The following ARL15 variants were observed in gnomAD, a reference collection of about 807,000 sequenced individuals.
ARL15 encodes the protein ARF like GTPase 15, also known as ADP-ribosylation factor-like protein 15.
Under a neutral mutation model 25.2 loss-of-function variants are expected in ARL15, and 19 were observed. That is an observed-to-expected ratio of 0.75 (90% CI 0.53 to 1.10). The LOEUF (loss-of-function observed/expected upper bound fraction) is 1.10, where lower values mean the gene tolerates loss of function less well. ARL15 is among the 50% of genes least tolerant of loss of function. ARL15 has a pLI of 0.00. For synonymous variants in ARL15, 94 were observed against 86.8 expected, an observed-to-expected ratio of 1.08 and a Z score of -0.46; for missense variants, 220 against 246.0, an observed-to-expected ratio of 0.89 and a Z score of 0.71.
chr5:54,272,695 T>C (rs534089989), intron 1 of ARL15, among the ~76,000 whole-genome samples: 1 of 152,362 alleles, frequency 6.6e-6, no homozygotes, highest in Non-Finnish European at 1.5e-5. Context: ...CTCATGTAGC[T>C]AAACAATTTC....
intron 4 of ARL15, among the ~76,000 whole-genome samples, chr5:54,017,639 A>G (rs2111820719): frequency 6.6e-6 from 1 of 152,054 alleles, no homozygotes; most frequent in African/African-American, 2.4e-5. Flanking sequence ...AACAACAACA[A>G]CAAAAACCCA....
At chr5:53,947,176 GTGTGTGTGTGTGTGTGT>G (rs1477715843) in intron 4 of ARL15, among the ~76,000 whole-genome samples, 2 of 64,392 alleles carry the variant, frequency 3.1e-5, no homozygotes, top group African/African-American at 1.7e-4. Flanking sequence ...GGGTGTGTGT[GTGTGTGTGTGTGTGTGT>G]GTGTGTGTGT....
In ARL15 at chr5:54,013,878, C is replaced by A. The variant is rs575330125; in HGVS notation, c.462+99324G>T. Among the ~76,000 whole-genome samples, 4 of 149,368 alleles carry A rather than the reference C, an allele frequency of 2.7e-5. No individual in the cohort carries two copies. In the East Asian group the frequency reaches 8.3e-4, roughly 31 times the overall value. ...ACAAACTACCCTTGAAAAGCTCTAA[C>A]CTCTGAACCTCTGAGGAGACAGACT... On this transcript the variant is annotated intron_variant, in intron 4 of 4. Coordinates refer to ENST00000504924, the MANE Select transcript of ARL15 (RefSeq NM_019087.3).
intron 4 of ARL15, among the ~76,000 whole-genome samples, chr5:53,933,374 C>T (rs1421959363): frequency 6.6e-6 from 1 of 151,926 alleles, no homozygotes; most frequent in Non-Finnish European, 1.5e-5. Flanking sequence ...AGGCCGGGCG[C>T]GGTGGCTCAC....
intron 2 of ARL15, among the ~76,000 whole-genome samples, chr5:54,170,012 T>C (rs151218023): frequency 3.0e-4 from 45 of 152,308 alleles, no homozygotes; most frequent in African/African-American, 1.1e-3. Flanking sequence ...CCTGCACTTT[T>C]TTAAAACTTA....
At chr5:54,033,117 C>T (rs1182231078) in intron 4 of ARL15, among the ~76,000 whole-genome samples, 1 of 146,638 alleles carries the variant, frequency 6.8e-6, no homozygotes, top group Non-Finnish European at 1.5e-5. Flanking sequence ...CACCTGAGGT[C>T]AGCCTGACTA....
At chr5:54,020,904 G>A (rs552143519) in intron 4 of ARL15, among the ~76,000 whole-genome samples, 66 of 152,102 alleles carry the variant, frequency 4.3e-4, no homozygotes, top group African/African-American at 1.5e-3. Context: ...GCAGTGAGCC[G>A]AGATAGCACC....
chr5:54,024,673 C>T (rs1027077389), intron 4 of ARL15, among the ~76,000 whole-genome samples: 4 of 152,124 alleles, frequency 2.6e-5, no homozygotes, highest in Non-Finnish European at 5.9e-5. Context: ...CCTATTTCCT[C>T]ATATCTAAAC....
rs1341193628 is a variant in ARL15 at position 53,907,827 on chromosome 5, G to C, written c.463-21114C>G. 7.2e-5 allele frequency among the ~76,000 whole-genome samples: 11 copies of C among 152,014 alleles called. No homozygotes were observed. In the East Asian group the frequency reaches 1.9e-3, roughly 27 times the overall value. On this transcript the variant is annotated intron_variant, in intron 4 of 4. Transcript: ENST00000504924. ...CTTAATATATTCTTACTCTCTGTGT[G>C]AGCAATGCCTAATAACTGAAATATG...
At chr5:54,199,851 T>A (rs1440797697) in intron 1 of ARL15, among the ~76,000 whole-genome samples, 2 of 52,232 alleles carry the variant, frequency 3.8e-5, no homozygotes, top group South Asian at 3.7e-4. Flanking sequence ...ACACATATGT[T>A]TATGGCAGCA....
At chr5:54,165,763 C>G (rs1399003760) in intron 2 of ARL15, among the ~76,000 whole-genome samples, 1 of 139,820 alleles carries the variant, frequency 7.2e-6, no homozygotes, top group Non-Finnish European at 1.5e-5. Context: ...TAAATAGAGA[C>G]AGAGAAATAC....
rs541918073 is a variant in ARL15, at chr5:54,105,801, T to G, written c.462+7401A>C. ...TTTCACTATGTTGGTCACGCTGGTC[T>G]CGAACTCCTGACCTCAAGTGATTTG... On this transcript the variant is annotated intron_variant, in intron 4 of 4. Coordinates refer to ENST00000504924, the MANE Select transcript of ARL15 (RefSeq NM_019087.3). Among the ~76,000 whole-genome samples the G allele has an allele frequency of 5.9e-5, 9 of 152,292 alleles. No individual in the cohort carries two copies. In the South Asian group the frequency reaches 1.9e-3, roughly 32 times the overall value.
intron 4 of ARL15, among the ~76,000 whole-genome samples, chr5:54,082,282 TAGG>T (rs1010654961): frequency 6.6e-6 from 1 of 152,136 alleles, no homozygotes; most frequent in Non-Finnish European, 1.5e-5. Flanking sequence ...ACAGGAGAAA[TAGG>T]AGAATGCTCC....
At chr5:54,053,251 AAAAC>A (rs1750755017) in intron 4 of ARL15, among the ~76,000 whole-genome samples, 2 of 152,266 alleles carry the variant, frequency 1.3e-5, no homozygotes, top group East Asian at 1.9e-4. Flanking sequence ...AAACAACAAC[AAAAC>A]AAACAAAAAA....
At chr5:54,114,713 A>T (rs185831491) in intron 3 of ARL15, among the ~76,000 whole-genome samples, 1 of 152,332 alleles carries the variant, frequency 6.6e-6, no homozygotes, top group African/African-American at 2.4e-5. Context: ...TGCATGAGTT[A>T]GCAGACAACC....
intron 3 of ARL15, among the ~76,000 whole-genome samples, chr5:54,151,531 T>C (rs1196098177): frequency 1.3e-5 from 2 of 152,046 alleles, no homozygotes; most frequent in Non-Finnish European, 2.9e-5. Context: ...AAGTGAACAG[T>C]AAGAAAACAC....
intron 4 of ARL15, among the ~76,000 whole-genome samples, chr5:54,014,916 C>T (rs1749366382): frequency 6.6e-6 from 1 of 152,082 alleles, no homozygotes; most frequent in Admixed American, 6.5e-5. Flanking sequence ...CTTCATCTGC[C>T]TTTTTGAATT....
At chr5:53,995,286 A>C (rs1330693279) in intron 4 of ARL15, among the ~76,000 whole-genome samples, 1 of 142,088 alleles carries the variant, frequency 7.0e-6, no homozygotes, top group Admixed American at 7.3e-5. Context: ...CCTGGGAGAC[A>C]GAGCGAGACT....
intron 1 of ARL15, among the ~76,000 whole-genome samples, chr5:54,249,402 T>C (rs1350922961): frequency 1.3e-5 from 2 of 151,926 alleles, no homozygotes; most frequent in East Asian, 1.9e-4. Flanking sequence ...TTTTTCAGAA[T>C]AGAAGATACT....
Sources: gnomAD v4.1 joint callset for allele counts (sites outside exome capture counted in the v4.1 genomes callset) on GRCh38, gnomAD v4.1.1 for gene constraint, MANE v1.5 for transcripts, NCBI Gene and HGNC (gene_info 2026-07-23, HGNC 2026-07-21) for gene names.